SEZ6L: variants seen among roughly 807,000 people sequenced by gnomAD.
SEZ6L encodes seizure 6-like protein.
In SEZ6L, 37 loss-of-function variants were observed where a neutral mutation model predicts 106.2. That is an observed-to-expected ratio of 0.35 (90% CI 0.27 to 0.46). The LOEUF is 0.46. Among genes scored for constraint, SEZ6L ranks in the 20% least tolerant of loss-of-function variants. The pLI is 1.00. For synonymous variants in SEZ6L, 541 were observed against 570.4 expected, an observed-to-expected ratio of 0.95 and a Z score of 0.73; for missense variants, 1,172 against 1,332.8, an observed-to-expected ratio of 0.88 and a Z score of 1.88.
chr22:26,213,480 T>C (rs931675162), intron 1 of SEZ6L, among the ~76,000 whole-genome samples: 13 of 152,234 alleles, frequency 8.5e-5, no homozygotes, highest in African/African-American at 2.9e-4. Context: ...TAGAGGATTG[T>C]AATCCACTCA....
chr22:26,356,153 C>A (rs1012236751), intron 12 of SEZ6L, among the ~76,000 whole-genome samples: 1 of 152,166 alleles, frequency 6.6e-6, no homozygotes, highest in Admixed American at 6.5e-5. Flanking sequence ...CTCATGACAC[C>A]CTTGGTGTCT....
rs767119242 is a variant in SEZ6L, at chr22:26,377,692, C to T, written c.2962C>T (p.Leu988Phe). The stretch of plus-strand genomic sequence containing the variant: ...CCCCAGATGTCGCTACTATTCCAAC[C>T]TCCGCCTGCCTCTGATGTACTCCCA... The part of the protein sequence containing the change: ...YITRCRYYSN[L>F]RLPLMYSHPY... Residue 988 changes from leucine to phenylalanine, a missense_variant, in exon 16 of 17, where the codon CTC becomes TTC. By Grantham distance (22) the Leu-to-Phe change is conservative (BLOSUM62 0). Around this residue, in one of 4 missense-constraint regions of SEZ6L, gnomAD observed 141 missense variants for 176.0 expected, o/e 0.80. Coordinates refer to ENST00000248933, the MANE Select transcript of SEZ6L (RefSeq NM_021115.5). The T allele has an allele frequency of 1.9e-6, 3 of 1,613,788 alleles. No individual in the cohort carries two copies. The highest frequency in any genetic ancestry group is 2.5e-6 in the Non-Finnish European group (3 of 1,179,808).
At chr22:26,359,325 C>A (rs1839448055) in intron 12 of SEZ6L, among the ~76,000 whole-genome samples, 1 of 152,178 alleles carries the variant, frequency 6.6e-6, no homozygotes. Context: ...CTTGAGGGGA[C>A]TTTTCACCAG....
intron 13 of SEZ6L, among the ~76,000 whole-genome samples, chr22:26,367,270 T>C (rs1289261345): frequency 6.6e-6 from 1 of 152,126 alleles, no homozygotes; most frequent in African/African-American, 2.4e-5. Context: ...CTTCTCGCCC[T>C]AGACAGCTCT....
At chr22:26,223,516 G>A (rs534209570) in intron 1 of SEZ6L, among the ~76,000 whole-genome samples, 4 of 152,252 alleles carry the variant, frequency 2.6e-5, no homozygotes, top group Non-Finnish European at 4.4e-5. Context: ...TCAGTGGTAA[G>A]AGGTATTGCT....
chr22:26,225,665 G>A (rs1435436002), intron 1 of SEZ6L, among the ~76,000 whole-genome samples: 5 of 152,216 alleles, frequency 3.3e-5, no homozygotes, highest in Non-Finnish European at 7.3e-5. Context: ...GCCATCCCAA[G>A]TGGTAATTTG....
rs148669841 is a variant in SEZ6L, at chr22:26,194,540, T to C, written c.94+24777T>C. Among the ~76,000 whole-genome samples, 15 of 152,320 alleles carry C rather than the reference T, an allele frequency of 9.8e-5. 1 individual carries two copies. In the East Asian group the frequency reaches 2.9e-3, roughly 29 times the overall value. Reference sequence around the variant, plus strand: ...TTGTGATCCACTGTAACTTTAATCCTGGCCGAGCTGATGACATTTTGGAAT... The same window carrying C: ...TTGTGATCCACTGTAACTTTAATCCCGGCCGAGCTGATGACATTTTGGAAT... On this transcript the variant is annotated intron_variant, in intron 1 of 16. Coordinates refer to ENST00000248933, the MANE Select transcript of SEZ6L (RefSeq NM_021115.5).
intron 6 of SEZ6L, among the ~76,000 whole-genome samples, chr22:26,310,108 G>T (rs1420917205): frequency 6.6e-6 from 1 of 152,182 alleles, no homozygotes; most frequent in Admixed American, 6.5e-5. Context: ...TCGTCGTTTG[G>T]TTTATTACAT....
intron 15 of SEZ6L, among the ~76,000 whole-genome samples, chr22:26,377,012 G>C (rs1191046439): frequency 6.6e-6 from 1 of 152,184 alleles, no homozygotes; most frequent in Non-Finnish European, 1.5e-5. Flanking sequence ...AGGCATGGTG[G>C]TTCATCCCTA....
intron 1 of SEZ6L, among the ~76,000 whole-genome samples, chr22:26,236,289 G>T (rs1251170916): frequency 2.0e-5 from 3 of 152,210 alleles, no homozygotes; most frequent in African/African-American, 4.8e-5. Flanking sequence ...TTCTCCTGGA[G>T]CTGAACAGAG....
At chr22:26,174,659 TC>T (rs1346360222) in intron 1 of SEZ6L, among the ~76,000 whole-genome samples, 1 of 152,174 alleles carries the variant, frequency 6.6e-6, no homozygotes, top group East Asian at 1.9e-4. Context: ...GTTTGCATAA[TC>T]CTCTGGTTAC....
chr22:26,223,415 T>G (rs1314510824), intron 1 of SEZ6L, among the ~76,000 whole-genome samples: 3 of 152,238 alleles, frequency 2.0e-5, no homozygotes, highest in African/African-American at 7.2e-5. Context: ...TTCCTTGCAT[T>G]GAACACAGTC....
At chr22:26,361,528 T>A (rs1488645779) in intron 12 of SEZ6L, among the ~76,000 whole-genome samples, 5 of 148,128 alleles carry the variant, frequency 3.4e-5, no homozygotes, top group South Asian at 4.2e-4. Flanking sequence ...AAAATATATA[T>A]ATATATATAT....
chr22:26,330,785 A>G (rs1233873725), intron 9 of SEZ6L, among the ~76,000 whole-genome samples: 1 of 152,308 alleles, frequency 6.6e-6, no homozygotes, highest in East Asian at 1.9e-4. Flanking sequence ...TGCCTTTTTC[A>G]CTTGGCTTAC....
intron 9 of SEZ6L, among the ~76,000 whole-genome samples, chr22:26,329,761 CATA>C (rs1442938418): frequency 1.3e-5 from 2 of 152,172 alleles, no homozygotes; most frequent in Admixed American, 6.5e-5. Context: ...CTATGGGATT[CATA>C]ATGTTTTTTC....
intron 1 of SEZ6L, among the ~76,000 whole-genome samples, chr22:26,220,892 A>G (rs947504974): frequency 2.0e-5 from 3 of 149,248 alleles, no homozygotes; most frequent in Non-Finnish European, 3.0e-5. Context: ...ATACTGTATG[A>G]ATGGATGGAT....
chr22:26,287,748 A>G (rs535062890), intron 1 of SEZ6L, among the ~76,000 whole-genome samples: 1 of 152,316 alleles, frequency 6.6e-6, no homozygotes, highest in South Asian at 2.1e-4. Flanking sequence ...GCTAAGAATG[A>G]GGCCTGTGGG....
At chr22:26,218,158 T>C (rs886885394) in intron 1 of SEZ6L, among the ~76,000 whole-genome samples, 1 of 152,248 alleles carries the variant, frequency 6.6e-6, no homozygotes, top group African/African-American at 2.4e-5. Context: ...GTCAGGCCAG[T>C]GCTGAGCACT....
At chr22:26,240,824 G>C (rs1489481088) in intron 1 of SEZ6L, among the ~76,000 whole-genome samples, 1 of 152,190 alleles carries the variant, frequency 6.6e-6, no homozygotes, top group African/African-American at 2.4e-5. Context: ...TTAACACAGA[G>C]TGTTGGAGGG....
Sources: gnomAD v4.1 joint callset for allele counts (sites outside exome capture counted in the v4.1 genomes callset) on GRCh38, gnomAD v4.1.1 for gene constraint, gnomAD v4.1.1 regional missense constraint, MANE v1.5 for transcripts, NCBI Gene and HGNC (gene_info 2026-07-23, HGNC 2026-07-21) for gene names.